KIF21B: variants seen among roughly 807,000 people sequenced by gnomAD.
KIF21B encodes kinesin-like protein KIF21B.
Under a neutral mutation model 192.9 loss-of-function variants are expected in KIF21B, and 85 were observed. That is an observed-to-expected ratio of 0.44 (90% CI 0.37 to 0.53). The LOEUF (loss-of-function observed/expected upper bound fraction) is 0.53. Among genes scored for constraint, KIF21B ranks in the 20% least tolerant of loss-of-function variants. The pLI is 0.00. For synonymous variants in KIF21B, 832 were observed against 884.6 expected (o/e 0.94, Z 1.05); for missense variants, 1,716 against 2,194.8 (o/e 0.78, Z 4.36).
intron 34 of KIF21B, 166 bp from the exon 35 acceptor site, chr1:200,973,744 G>A: frequency 6.8e-7 from 1 of 1,472,614 alleles, no homozygotes. Flanking sequence ...GTGGTGGGGT[G>A]CTGGGCAGAT....
chr1:201,021,205 C>T (rs2102488367), intron 1 of KIF21B, among the ~76,000 whole-genome samples: 1 of 152,360 alleles, frequency 6.6e-6, no homozygotes, highest in South Asian at 2.1e-4. Context: ...TCCTTCCCAG[C>T]CCAGCCCAGC....
At chr1:200,977,103 A>G in intron 31 of KIF21B, 109 bp downstream of exon 31, 1 of 1,282,352 alleles carries the variant, frequency 7.8e-7, no homozygotes, top group Non-Finnish European at 1.1e-6. Flanking sequence ...GGGGGAATAA[A>G]GGTGTTGCTG....
chr1:200,974,147 C>T, intron 34 of KIF21B: 1 of 1,595,992 alleles, frequency 6.3e-7, no homozygotes, highest in Non-Finnish European at 8.5e-7. Context: ...GCGAGGAAGG[C>T]AGGGGGTGAG....
chr1:201,008,138 G>A (rs184837892), intron 3 of KIF21B, among the ~76,000 whole-genome samples: 5 of 152,180 alleles, frequency 3.3e-5, no homozygotes, highest in African/African-American at 9.7e-5. Flanking sequence ...CTTACTGAGT[G>A]GGGGCTCAGC....
At chr1:200,979,862 A>T (rs1291440473) in intron 29 of KIF21B, 147 bp from the exon 30 acceptor site, 1 of 578,374 alleles carries the variant, frequency 1.7e-6, no homozygotes, top group Non-Finnish European at 2.9e-6. Context: ...AGAGGAAAAA[A>T]ACACATACAC....
At chr1:200,979,362 C>T (rs1655765606) in intron 30 of KIF21B, among the ~76,000 whole-genome samples, 173 bp downstream of exon 30, 1 of 152,308 alleles carries the variant, frequency 6.6e-6, no homozygotes, top group Non-Finnish European at 1.5e-5. Context: ...TCTCCCAAAC[C>T]AAGAGATCTC....
At chr1:201,015,665 G>A (rs974043077) in intron 1 of KIF21B, among the ~76,000 whole-genome samples, 3 of 152,200 alleles carry the variant, frequency 2.0e-5, no homozygotes, top group Admixed American at 6.5e-5. Context: ...AGTGTATGGA[G>A]GGGACACAGA....
chr1:201,009,216 C>T (rs1387814680), intron 2 of KIF21B, 50 bp downstream of exon 2: 2 of 1,528,488 alleles, frequency 1.3e-6, no homozygotes, highest in Admixed American at 3.6e-5. Flanking sequence ...CCATTGGATG[C>T]AGGGAGACCA....
Position 200,977,343 on chromosome 1 carries a change from A to G in KIF21B, c.4194T>C (p.Cys1398=). The G allele has an allele frequency of 1.9e-6, 3 of 1,614,234 alleles. No homozygotes were observed. The highest frequency in any genetic ancestry group is 2.5e-6 in the Non-Finnish European group (3 of 1,180,026). ...TGATGGCACGGGTGGATGTGGCGGC[A>G]CAGGCATCCCCTGAGATCACCTGGC... The part of the protein sequence containing the change: ...SSGQVISGDA[C]AATSTRAITS... Residue 1398 remains cysteine (C), a synonymous_variant, in exon 31 of 35, where the codon TGT becomes TGC. Coordinates refer to ENST00000461742, the MANE Select transcript of KIF21B (RefSeq NM_001252102.2).
At chr1:201,003,554 G>A (rs778760888) in intron 8 of KIF21B, 32 bp downstream of exon 8, 3 of 1,607,892 alleles carry the variant, frequency 1.9e-6, no homozygotes, top group Non-Finnish European at 2.6e-6. Context: ...GCTCCAAGGG[G>A]AGTGCTGGGC....
In KIF21B at chr1:200,975,218, T is replaced by A. The variant is rs1192197344; in HGVS notation, c.4614+281A>T. Among the ~76,000 whole-genome samples the A allele has an allele frequency of 6.6e-6, 1 of 152,204 alleles. No individual in the cohort carries two copies. The highest frequency in any genetic ancestry group is 1.9e-4 in the East Asian group (1 of 5,192). ...ACACAAATGCTCCCAGGAAAGGAATTGGGTAACTGAGCTTCACATGCAAAC... is the reference window on the plus strand; with the variant it reads ...ACACAAATGCTCCCAGGAAAGGAATAGGGTAACTGAGCTTCACATGCAAAC... On this transcript the variant is annotated intron_variant, in intron 33 of 34. Coordinates refer to ENST00000461742, the MANE Select transcript of KIF21B (RefSeq NM_001252102.2). This position sits in a 1 kb window ranked among gnomAD's most constrained non-coding sequence, Gnocchi z 4.3.
At chr1:201,004,512 G>A (rs1027633151) in intron 6 of KIF21B, 57 bp from the exon 7 acceptor site, 7 of 1,441,946 alleles carry the variant, frequency 4.9e-6, no homozygotes, top group Non-Finnish European at 6.7e-6. Flanking sequence ...GGGTAGGGAG[G>A]GACAAGAAAA....
chr1:201,000,654 C>A lies in KIF21B; in HGVS notation c.1467-46G>T, dbSNP rs775545019. 41 of 1,613,186 alleles carry A rather than the reference C, an allele frequency of 2.5e-5. No homozygotes were observed. Among genetic ancestry groups the A allele is most frequent in the Admixed American group, 2.0e-4 (12 of 59,980 alleles). Reference sequence around the variant, plus strand: ...GACGGGGCCGAGTGAGCTGCCACAGCCCTTGGCGTCACCTGGCCGAGGCCC... The same window carrying A: ...GACGGGGCCGAGTGAGCTGCCACAGACCTTGGCGTCACCTGGCCGAGGCCC... On this transcript the variant is annotated intron_variant, in intron 10 of 34. Coordinates refer to ENST00000461742, the MANE Select transcript of KIF21B (RefSeq NM_001252102.2). The surrounding 1 kb of genome is among the most constrained non-coding windows in gnomAD (Gnocchi z 6.0).
chr1:201,007,527 CACAG>C (rs770589085), intron 3 of KIF21B, among the ~76,000 whole-genome samples: 10 of 150,696 alleles, frequency 6.6e-5, no homozygotes, highest in African/African-American at 1.5e-4. Context: ...CACAGAGACA[CACAG>C]ACACACACAC....
intron 24 of KIF21B, among the ~76,000 whole-genome samples, chr1:200,987,602 T>G (rs1408260928): frequency 1.3e-5 from 2 of 152,192 alleles, no homozygotes; most frequent in Non-Finnish European, 2.9e-5. Flanking sequence ...GAGGACCTGA[T>G]GGAAGGACCC....
At position 200,986,845 on chromosome 1, in the gene KIF21B, T is replaced by C; in HGVS notation, c.3688A>G (p.Arg1230Gly). The C allele has an allele frequency of 6.2e-7, 1 of 1,612,584 alleles. No homozygotes were observed. Among genetic ancestry groups the C allele is most frequent in the Non-Finnish European group, 8.5e-7 (1 of 1,179,192 alleles). Residue 1230 changes from arginine (R) to glycine (G), a missense_variant and splice_region_variant, in exon 26 of 35, where the codon AGG becomes GGG. Coordinates refer to ENST00000461742, the MANE Select transcript of KIF21B (RefSeq NM_001252102.2). Reference sequence around the variant, plus strand: ...GCAGATTCTAGAACATGATCTCACCTAATGGGCTGCCCTCGGTCGTAGGAC... The same window carrying C: ...GCAGATTCTAGAACATGATCTCACCCAATGGGCTGCCCTCGGTCGTAGGAC... ...RKSYDRGQPI[R>G]STDVGFTPPS...
At chr1:200,995,280 C>G (rs1471248384) in intron 15 of KIF21B, among the ~76,000 whole-genome samples, 1 of 152,198 alleles carries the variant, frequency 6.6e-6, no homozygotes, top group Non-Finnish European at 1.5e-5. Context: ...GTCCCCAAGG[C>G]CAGCCCTTCA....
rs973230739 is a variant in KIF21B, at chr1:200,998,139, T to C, written c.2077+245A>G. On this transcript the variant is annotated intron_variant, in intron 14 of 34. Transcript: ENST00000461742. The surrounding 1 kb of genome is among the most constrained non-coding windows in gnomAD (Gnocchi z 4.3). ...GGAGTGTCATGTTCGCGTGCCTAGGTATATAAAGAATTCTAATACATGACG... is the reference window on the plus strand; with the variant it reads ...GGAGTGTCATGTTCGCGTGCCTAGGCATATAAAGAATTCTAATACATGACG... Among the ~76,000 whole-genome samples the C allele has an allele frequency of 6.6e-6, 1 of 152,056 alleles. No individual in the cohort carries two copies. The highest frequency in any genetic ancestry group is 6.5e-5 in the Admixed American group (1 of 15,268).
chr1:200,986,356 T>TA (rs1198402995), intron 26 of KIF21B, among the ~76,000 whole-genome samples: 5 of 137,570 alleles, frequency 3.6e-5, no homozygotes, highest in Admixed American at 7.0e-5. Context: ...CATTTCCTTT[T>TA]TTTTTTCTTT....
Sources: gnomAD v4.1 joint callset for allele counts (sites outside exome capture counted in the v4.1 genomes callset) on GRCh38, gnomAD v4.1.1 for gene constraint, Gnocchi (gnomAD v3.1) non-coding constraint, MANE v1.5 for transcripts, NCBI Gene and HGNC (gene_info 2026-07-23, HGNC 2026-07-21) for gene names.